ADAMTS18: variants seen among roughly 807,000 people sequenced by gnomAD.
The protein encoded by ADAMTS18 is A disintegrin and metalloproteinase with thrombospondin motifs 18.
A neutral mutation model predicts 165.9 loss-of-function variants in ADAMTS18; 157 were observed. That is an observed-to-expected ratio of 0.95 (90% CI 0.83 to 1.08). The LOEUF (loss-of-function observed/expected upper bound fraction) is 1.08. Ranked by LOEUF, ADAMTS18 falls within the 50% of genes least tolerant of loss-of-function variation. The probability of loss-of-function intolerance (pLI) is 0.00; values close to 1 mark genes in which losing one functional copy is unlikely to be tolerated. For missense variants in ADAMTS18, 2,040 were observed against 1,534.0 expected (o/e 1.33, Z -5.51); for synonymous variants, 782 against 578.2 (o/e 1.35, Z -5.06).
intron 16 of ADAMTS18, among the ~76,000 whole-genome samples, chr16:77,316,932 G>A (rs1261828152): frequency 6.6e-6 from 1 of 152,106 alleles, no homozygotes; most frequent in Non-Finnish European, 1.5e-5. Flanking sequence ...ATCCCAAAGT[G>A]CTGGGATTAC....
chr16:77,320,544 C>T (rs2055977598), intron 15 of ADAMTS18, among the ~76,000 whole-genome samples: 1 of 151,834 alleles, frequency 6.6e-6, no homozygotes, highest in African/African-American at 2.4e-5. Flanking sequence ...GAGGGTGAGG[C>T]AGGAGAATTG....
chr16:77,394,182 T>C (rs775320628), intron 3 of ADAMTS18, among the ~76,000 whole-genome samples: 12 of 152,240 alleles, frequency 7.9e-5, no homozygotes, highest in Admixed American at 2.0e-4. Flanking sequence ...GGGAGGATAA[T>C]GATCCCATTT....
At chr16:77,351,804 C>T (rs1239733414) in intron 10 of ADAMTS18, among the ~76,000 whole-genome samples, 1 of 152,012 alleles carries the variant, frequency 6.6e-6, no homozygotes, top group Admixed American at 6.5e-5. Context: ...GTGCTATCAT[C>T]CTTCACTTCA....
intron 3 of ADAMTS18, among the ~76,000 whole-genome samples, chr16:77,426,323 A>G (rs891424203): frequency 6.6e-6 from 1 of 152,132 alleles, no homozygotes; most frequent in African/African-American, 2.4e-5. Flanking sequence ...TGTCACCACC[A>G]AACTGTGAAG....
At chr16:77,407,198 C>G (rs1015533457) in intron 3 of ADAMTS18, among the ~76,000 whole-genome samples, 2 of 152,016 alleles carry the variant, frequency 1.3e-5, no homozygotes, top group African/African-American at 4.8e-5. Context: ...TTATACCTAT[C>G]TGTAGCAGAA....
rs2056624257 is a variant in ADAMTS18 at position 77,355,988 on chromosome 16, A to G, written c.1412T>C (p.Val471Ala). ...GCGGCTGCAGGAAGACCATGAAAAC[A>G]CTCCATTGTTTCCGGTCAGTGTGGG... is the stretch of plus-strand genomic sequence containing the variant. ...MSPTLTGNNG[V>A]FSWSSCSRQY... Residue 471 changes from valine (V) to alanine (A), a missense_variant, in exon 9 of 23, where the codon GTG (valine) becomes GCG (alanine). Transcript: ENST00000282849. 1 of 1,613,756 alleles carries G rather than the reference A, an allele frequency of 6.2e-7. No homozygotes were observed. The highest frequency in any genetic ancestry group is 8.5e-7 in the Non-Finnish European group (1 of 1,179,918).
At chr16:77,399,489 T>G (rs927678619) in intron 3 of ADAMTS18, among the ~76,000 whole-genome samples, 1 of 152,214 alleles carries the variant, frequency 6.6e-6, no homozygotes, top group Non-Finnish European at 1.5e-5. Context: ...TGTTGTTGTT[T>G]CCCTACCCTA....
intron 16 of ADAMTS18, among the ~76,000 whole-genome samples, chr16:77,306,867 A>C (rs1009637731): frequency 2.6e-5 from 4 of 152,218 alleles, no homozygotes; most frequent in African/African-American, 9.6e-5. Context: ...ATGGGACTCA[A>C]GTCTCTGGTC....
intron 17 of ADAMTS18, 166 bp downstream of exon 17, chr16:77,300,097 G>T (rs559736981): frequency 1.3e-6 from 1 of 778,548 alleles, no homozygotes; most frequent in East Asian, 2.7e-5. Context: ...TACCACATAG[G>T]AAAACCCTTA....
rs1412005747 is a variant in ADAMTS18 at position 77,413,660 on chromosome 16, T to C, written c.495+17635A>G. ...GGATATTTTTAAAACTATAATTGCT[T>C]TGCTTTCTACATATGTTATTTAGTA... On this transcript the variant is annotated intron_variant, in intron 3 of 22. Coordinates refer to ENST00000282849, the MANE Select transcript of ADAMTS18 (RefSeq NM_199355.4). 3.3e-5 allele frequency among the ~76,000 whole-genome samples: 5 copies of C among 152,154 alleles called. No individual in the cohort carries two copies. In the East Asian group the frequency reaches 9.6e-4, roughly 29 times the overall value.
intron 9 of ADAMTS18, among the ~76,000 whole-genome samples, chr16:77,354,978 C>T (rs1483420959): frequency 6.6e-6 from 1 of 152,118 alleles, no homozygotes; most frequent in Non-Finnish European, 1.5e-5. Flanking sequence ...TGATTTTTTA[C>T]CACCCTTTGG....
At chr16:77,315,356 A>G (rs1395439496) in intron 16 of ADAMTS18, among the ~76,000 whole-genome samples, 1 of 152,212 alleles carries the variant, frequency 6.6e-6, no homozygotes, top group Non-Finnish European at 1.5e-5. Flanking sequence ...CTGAATTTGC[A>G]TAGCTCTTGC....
At chr16:77,311,062 T>G (rs1363566543) in intron 16 of ADAMTS18, among the ~76,000 whole-genome samples, 1 of 151,948 alleles carries the variant, frequency 6.6e-6, no homozygotes, top group Non-Finnish European at 1.5e-5. Context: ...GAAATTTAGC[T>G]AAGATATGGG....
chr16:77,426,607 C>T (rs1345216173), intron 3 of ADAMTS18, among the ~76,000 whole-genome samples: 1 of 152,218 alleles, frequency 6.6e-6, no homozygotes, highest in Non-Finnish European at 1.5e-5. Flanking sequence ...AAGTATTGCT[C>T]CATTCTCTTC....
At chr16:77,374,546 T>A (rs2056922552) in intron 3 of ADAMTS18, among the ~76,000 whole-genome samples, 1 of 152,032 alleles carries the variant, frequency 6.6e-6, no homozygotes. Flanking sequence ...TTAAAGTCCC[T>A]CACAGAATAG....
chr16:77,363,044 C>T (rs924866227), intron 6 of ADAMTS18, among the ~76,000 whole-genome samples: 2 of 152,138 alleles, frequency 1.3e-5, no homozygotes, highest in African/African-American at 4.8e-5. Context: ...TCTGTGTCTT[C>T]CTGCTTTTTA....
intron 3 of ADAMTS18, among the ~76,000 whole-genome samples, chr16:77,392,481 C>A (rs1038898497): frequency 6.6e-6 from 1 of 152,168 alleles, no homozygotes; most frequent in African/African-American, 2.4e-5. Context: ...GTGTCCACCT[C>A]AGAGAAAACT....
intron 10 of ADAMTS18, among the ~76,000 whole-genome samples, chr16:77,343,098 G>A (rs1444067373): frequency 6.8e-6 from 1 of 147,554 alleles, no homozygotes; most frequent in Non-Finnish European, 1.5e-5. Context: ...TTGAGAGTGA[G>A]TTTCACTCTT....
chr16:77,333,855 C>T (rs377557749), intron 12 of ADAMTS18, among the ~76,000 whole-genome samples: 1,492 of 135,190 alleles, frequency 0.011, 27 homozygotes, highest in African/African-American at 0.039. Flanking sequence ...ATATAGTATA[C>T]TATTATACTA....
Sources: gnomAD v4.1 joint callset for allele counts (sites outside exome capture counted in the v4.1 genomes callset) on GRCh38, gnomAD v4.1.1 for gene constraint, MANE v1.5 for transcripts, NCBI Gene and HGNC (gene_info 2026-07-23, HGNC 2026-07-21) for gene names.